The following BLM variants were observed in gnomAD, a reference collection of about 807,000 sequenced individuals.
BLM encodes BLM RecQ like helicase.
A neutral mutation model predicts 135.3 loss-of-function variants in BLM; 95 were observed. That is an observed-to-expected ratio of 0.70 (90% confidence interval 0.59 to 0.83). The LOEUF (loss-of-function observed/expected upper bound fraction) is 0.83. Among genes scored for constraint, BLM ranks in the 40% least tolerant of loss-of-function variants. The pLI, the probability that BLM is intolerant of heterozygous loss-of-function variation, is 0.00. For missense variants in BLM, 1,518 were observed against 1,663.9 expected, an observed-to-expected ratio of 0.91 and a Z score of 1.53; for synonymous variants, 520 against 589.2, an observed-to-expected ratio of 0.88 and a Z score of 1.70.
chr15:90,748,157 G>A (rs1227076006), intron 2 of BLM, among the ~76,000 whole-genome samples: 1 of 148,634 alleles, frequency 6.7e-6, no homozygotes, highest in African/African-American at 2.5e-5. Flanking sequence ...TGCCCAGGCT[G>A]GAGTGCCATG....
chr15:90,777,433 G>T (rs1268238862), intron 12 of BLM, among the ~76,000 whole-genome samples: 1 of 152,204 alleles, frequency 6.6e-6, no homozygotes, highest in Non-Finnish European at 1.5e-5. Context: ...GATTAGAGGC[G>T]TGAGCCACTG....
At chr15:90,792,343 T>C (rs1038634614) in intron 15 of BLM, among the ~76,000 whole-genome samples, 4 of 152,094 alleles carry the variant, frequency 2.6e-5, no homozygotes, top group Admixed American at 2.6e-4. Flanking sequence ...TGACCTCCAG[T>C]GATCTGTCCG....
intron 21 of BLM, among the ~76,000 whole-genome samples, chr15:90,811,951 C>T (rs28385163): frequency 0.053 from 8,023 of 152,280 alleles, 245 homozygotes; most frequent in Middle Eastern, 0.085. Context: ...AGCCACCGCA[C>T]TCAGCCTGAC....
At chr15:90,736,021 T>C (rs1408945576) in intron 1 of BLM, among the ~76,000 whole-genome samples, 1 of 152,222 alleles carries the variant, frequency 6.6e-6, no homozygotes, top group Non-Finnish European at 1.5e-5. Context: ...GAAGAAAATA[T>C]TCAATTTCAC....
At position 90,760,850 on chromosome 15, in the gene BLM, AAT is replaced by A. The variant is rs746244182; in HGVS notation, c.1479_1480del (p.Thr494ProfsTer9). 1.5e-5 allele frequency: 24 copies of A among 1,614,018 alleles called. No homozygotes were observed. Among genetic ancestry groups the A allele is most frequent in the Non-Finnish European group, 1.9e-5 (23 of 1,180,052 alleles). On this transcript the variant is annotated frameshift_variant, in exon 7 of 22. Coordinates refer to ENST00000355112, the MANE Select transcript of BLM (RefSeq NM_000057.4). LOFTEE classifies it high-confidence loss of function. ...GAATCTTTTTGAAAGGCCTTTATTC[AAT>A]ACCCATTTACAGAAGTCCTTTGTAA... ...RKNLFERPLF[N>X]THLQKSFVSS...
chr15:90,798,413 G>C, intron 17 of BLM, 76 bp downstream of exon 17: 1 of 1,483,998 alleles, frequency 6.7e-7, no homozygotes. Flanking sequence ...CAAGTACATA[G>C]AAAAACTTTT....
At chr15:90,764,282 A>G (rs1009319998) in intron 8 of BLM, among the ~76,000 whole-genome samples, 2 of 148,646 alleles carry the variant, frequency 1.3e-5, no homozygotes, top group Non-Finnish European at 3.0e-5. Flanking sequence ...TGTATATAAT[A>G]TGTCTATTAT....
intron 5 of BLM, among the ~76,000 whole-genome samples, chr15:90,758,697 C>T: frequency 6.6e-6 from 1 of 152,114 alleles, no homozygotes; most frequent in East Asian, 1.9e-4. Context: ...TTCTACTTTT[C>T]CTTTGTATCA....
chr15:90,782,464 G>T (rs1896640275), intron 12 of BLM, among the ~76,000 whole-genome samples: 1 of 152,136 alleles, frequency 6.6e-6, no homozygotes, highest in African/African-American at 2.4e-5. Flanking sequence ...CTGTAGACTG[G>T]GTGGCTTAAA....
chr15:90,744,369 T>TTTTA (rs890232333), intron 1 of BLM, among the ~76,000 whole-genome samples: 5 of 152,088 alleles, frequency 3.3e-5, no homozygotes, highest in East Asian at 1.9e-4. Context: ...GGCTTTTATT[T>TTTTA]TTTATTTATT....
intron 19 of BLM, among the ~76,000 whole-genome samples, chr15:90,806,459 C>G (rs1033513734): frequency 6.9e-6 from 1 of 145,532 alleles, no homozygotes; most frequent in East Asian, 2.0e-4. Context: ...TGCAGTGAGC[C>G]AAGATCGTGC....
At chr15:90,727,391 T>C (rs994049393) in intron 1 of BLM, among the ~76,000 whole-genome samples, 1 of 152,202 alleles carries the variant, frequency 6.6e-6, no homozygotes, top group Non-Finnish European at 1.5e-5. Flanking sequence ...TTCATAGATA[T>C]AACTTGTACG....
At chr15:90,811,498 A>C in intron 21 of BLM, 92 bp downstream of exon 21, 1 of 1,368,956 alleles carries the variant, frequency 7.3e-7, no homozygotes, top group Admixed American at 1.8e-5. Flanking sequence ...GATTTATTAA[A>C]ATAAGCCATT....
chr15:90,769,192 G>C lies in BLM; in HGVS notation c.2367G>C (p.Leu789Phe), dbSNP rs1060500651. The C allele has an allele frequency of 8.1e-6, 13 of 1,613,758 alleles. No homozygotes were observed. The highest frequency in any genetic ancestry group is 1.3e-5 in the African/African-American group (1 of 74,928). The change falls in exon 11 of 22, where the codon TTG (leucine) becomes TTC (phenylalanine). Residue 789 changes from leucine to phenylalanine, a missense_variant. Transcript: ENST00000355112. ...AGAATCTCTATGAGAGGAAGCTCTT[G>C]GCACGTTTTGTTATTGATGAAGCAC... ...TLENLYERKL[L>F]ARFVIDEAHC... is the part of the protein sequence containing the mutation.
rs60733714 is a variant in BLM at position 90,778,889 on chromosome 15, C to CTTTTTTTTTTT, written c.2556-3929_2556-3919dup. The stretch of plus-strand genomic sequence containing the variant: ...ATAGAAACTCTATGTTTAACCCTTT[C>CTTTTTTTTTTT]TTTTTTTTTTTTTTGAGACGGAGTC... On this transcript the variant is annotated intron_variant, in intron 12 of 21. Coordinates refer to ENST00000355112, the MANE Select transcript of BLM (RefSeq NM_000057.4). 1.4e-4 allele frequency among the ~76,000 whole-genome samples: 19 copies of CTTTTTTTTTTT among 135,080 alleles called. 1 individual carries two copies. In the East Asian group the frequency reaches 3.3e-3, roughly 23 times the overall value. The allele number at this position is 135,080 out of a possible 152,430, so 88.6% of individuals were successfully genotyped here. A position where few individuals can be genotyped will look rare whatever the true frequency, so the allele number is the denominator to read the frequency against.
At chr15:90,742,558 C>CT (rs1284234679) in intron 1 of BLM, among the ~76,000 whole-genome samples, 1 of 152,068 alleles carries the variant, frequency 6.6e-6, no homozygotes, top group African/African-American at 2.4e-5. Context: ...AAAAGGCACT[C>CT]TTTTTTTCTG....
At chr15:90,759,732 G>C (rs965914031) in intron 5 of BLM, among the ~76,000 whole-genome samples, 1 of 151,624 alleles carries the variant, frequency 6.6e-6, no homozygotes, top group Admixed American at 6.6e-5. Context: ...TCAGCCTCCC[G>C]AGTAGCTGGG....
rs2151147628 is a variant in BLM, at chr15:90,749,836, AAG to A, written c.572_573del (p.Arg191LysfsTer4). On this transcript the variant is annotated frameshift_variant, in exon 3 of 22. Transcript: ENST00000355112. LOFTEE classifies it high-confidence loss of function. Reference sequence around the variant, plus strand: ...CACTGCTCAGAAATCAAAAAAGGGTAAGAGAAACTTTTTTAAAGCACAGCTTT... The same window carrying A: ...CACTGCTCAGAAATCAAAAAAGGGTAAGAAACTTTTTTAAAGCACAGCTTT... ...VSTAQKSKKGKRNFFKAQLYT... is the reference protein window; with the variant it reads ...VSTAQKSKKGXRNFFKAQLYT... The A allele has an allele frequency of 1.3e-6, 2 of 1,593,476 alleles. No individual in the cohort carries two copies. The highest frequency in any genetic ancestry group is 1.7e-6 in the Non-Finnish European group (2 of 1,171,058).
At chr15:90,720,589 T>C (rs1894737934) in intron 1 of BLM, among the ~76,000 whole-genome samples, 1 of 152,182 alleles carries the variant, frequency 6.6e-6, no homozygotes, top group Non-Finnish European at 1.5e-5. Flanking sequence ...TTTTCTTTTT[T>C]CTTTCTTTTT....
Sources: allele counts gnomAD v4.1 joint callset (sites outside exome capture counted in the v4.1 genomes callset), GRCh38; gene constraint gnomAD v4.1.1; transcripts MANE v1.5; gene names NCBI Gene and HGNC (gene_info 2026-07-23, HGNC 2026-07-21).